The following ICE2 variants were observed in gnomAD, a reference collection of about 807,000 sequenced individuals.
ICE2 encodes little elongation complex subunit 2.
A neutral mutation model predicts 105.4 loss-of-function variants in ICE2; 87 were observed. The observed-to-expected ratio is 0.83, with a 90% CI of 0.69 to 0.99. ICE2 has a LOEUF of 0.99. Ranked by LOEUF, ICE2 falls within the 50% of genes least tolerant of loss-of-function variation. ICE2 has a pLI of 0.00. For missense variants in ICE2, 1,323 were observed against 1,146.7 expected (o/e 1.15, Z -2.22); for synonymous variants, 399 against 392.0 (o/e 1.02, Z -0.21).
Position 60,476,129 on chromosome 15 carries a change from G to C in ICE2, c.80C>G (p.Ser27Cys), listed in dbSNP as rs1254436305. 6.2e-7 allele frequency: 1 copy of C among 1,606,572 alleles called. No homozygotes were observed. Among genetic ancestry groups the C allele is most frequent in the Non-Finnish European group, 8.5e-7 (1 of 1,177,562 alleles). ...SPKNGLKTFF[S>C]RENYKDHSMA... Reference sequence around the variant, plus strand: ...GGAATGATCTTTATAATTTTCTCGAGAGAAAAATGTCTTAAGGCCATTTTT... The same window carrying C: ...GGAATGATCTTTATAATTTTCTCGACAGAAAAATGTCTTAAGGCCATTTTT... Residue 27 changes from serine to cysteine, a missense_variant, in exon 3 of 16, where the codon TCT becomes TGT. Coordinates refer to ENST00000261520, the MANE Select transcript of ICE2 (RefSeq NM_024611.6).
chr15:60,447,900 A>G (rs371008968), intron 11 of ICE2, 70 bp downstream of exon 11: 14 of 1,261,512 alleles, frequency 1.1e-5, no homozygotes, highest in African/African-American at 1.1e-4. Context: ...TAAACTTCAC[A>G]GTAATGGCAT....
At chr15:60,436,286 A>C (rs2063585414) in intron 12 of ICE2, 59 bp from the exon 13 acceptor site, 1 of 632,262 alleles carries the variant, frequency 1.6e-6, no homozygotes, top group East Asian at 3.1e-5. Context: ...GAAAAAAAAA[A>C]AACCAAGTTA....
chr15:60,476,262 CCT>C (rs2064758977), intron 2 of ICE2, 95 bp from the exon 3 acceptor site: 2 of 708,528 alleles, frequency 2.8e-6, no homozygotes, highest in Admixed American at 5.8e-5. Context: ...CAATTTCATA[CCT>C]TCTTACCCCC....
chr15:60,448,597 T>C (rs2063879239), intron 10 of ICE2, among the ~76,000 whole-genome samples: 1 of 152,148 alleles, frequency 6.6e-6, no homozygotes, highest in African/African-American at 2.4e-5. Context: ...ACAAATCACA[T>C]TACCTATAGC....
rs773295355 is a variant in ICE2, at chr15:60,468,058, T to C, written c.408+3A>G. ...TCCTGAAACTGAAGAACACAATACA[T>C]ACCAAGTACTGCAAGTAGTCATTTT... On this transcript the variant is annotated splice_donor_region_variant and intron_variant, in intron 4 of 15. Coordinates refer to ENST00000261520, the MANE Select transcript of ICE2 (RefSeq NM_024611.6). 1 of 1,606,826 alleles carries C rather than the reference T, an allele frequency of 6.2e-7. No individual in the cohort carries two copies. Among genetic ancestry groups the C allele is most frequent in the Non-Finnish European group, 8.5e-7 (1 of 1,176,124 alleles).
At chr15:60,466,865 G>T in intron 4 of ICE2, 152 bp from the exon 5 acceptor site, 1 of 659,700 alleles carries the variant, frequency 1.5e-6, no homozygotes, top group Non-Finnish European at 2.5e-6. Flanking sequence ...AAATTATTAT[G>T]CAGTAATGAT....
At chr15:60,444,481 T>C (rs2141043515) in intron 11 of ICE2, among the ~76,000 whole-genome samples, 1 of 152,286 alleles carries the variant, frequency 6.6e-6, no homozygotes, top group African/African-American at 2.4e-5. Context: ...ACTATTTTTT[T>C]CCCTTGATAA....
chr15:60,430,557 G>C (rs1480466040), intron 14 of ICE2, among the ~76,000 whole-genome samples: 1 of 152,056 alleles, frequency 6.6e-6, no homozygotes, highest in Non-Finnish European at 1.5e-5. Flanking sequence ...TTTGTATATA[G>C]CATGAAGAAC....
intron 11 of ICE2, among the ~76,000 whole-genome samples, chr15:60,444,347 G>A (rs1219906801): frequency 2.0e-5 from 3 of 152,146 alleles, no homozygotes; most frequent in Admixed American, 6.5e-5. Context: ...ATTTCTGTAT[G>A]TATTCTACTG....
chr15:60,455,623 GT>G (rs35859869), intron 6 of ICE2, among the ~76,000 whole-genome samples, 181 bp from the exon 7 acceptor site: 72 of 144,614 alleles, frequency 5.0e-4, no homozygotes, highest in Non-Finnish European at 4.7e-4. Context: ...CTACCTGTGG[GT>G]TTTTTTTTTT....
chr15:60,463,400 T>C (rs7173884), intron 5 of ICE2, among the ~76,000 whole-genome samples: 151,273 of 152,310 alleles, frequency 0.99, 75,132 homozygotes, highest in Middle Eastern at 1. Context: ...CTACAACTCA[T>C]ACAACCTAAG....
chr15:60,432,592 T>A (rs2063486420), intron 13 of ICE2, among the ~76,000 whole-genome samples: 1 of 151,592 alleles, frequency 6.6e-6, no homozygotes, highest in Non-Finnish European at 1.5e-5. Context: ...TCAAATTATA[T>A]ACTTAAAAAA....
intron 9 of ICE2, chr15:60,451,671 A>T: frequency 1.1e-6 from 1 of 924,412 alleles, no homozygotes; most frequent in Non-Finnish European, 1.3e-6. Flanking sequence ...CTGAAAACTC[A>T]GGCTGTCATT....
At chr15:60,475,713 A>T (rs1343442224) in intron 3 of ICE2, among the ~76,000 whole-genome samples, 1 of 152,142 alleles carries the variant, frequency 6.6e-6, no homozygotes, top group Non-Finnish European at 1.5e-5. Flanking sequence ...TACACGTTAT[A>T]AACAGTATAC....
chr15:60,462,941 G>C (rs566463773), intron 5 of ICE2, among the ~76,000 whole-genome samples: 1 of 152,266 alleles, frequency 6.6e-6, no homozygotes, highest in Non-Finnish European at 1.5e-5. Context: ...ACTTATGAAG[G>C]TTCCACTAAA....
chr15:60,438,087 G>A (rs993026966), intron 12 of ICE2: 7 of 152,162 alleles, frequency 4.6e-5, no homozygotes, highest in African/African-American at 1.7e-4. Flanking sequence ...AACAGGTTGA[G>A]AGCTAACACC....
intron 12 of ICE2, among the ~76,000 whole-genome samples, chr15:60,437,261 T>A (rs1035520489): frequency 1.7e-4 from 25 of 150,878 alleles, no homozygotes; most frequent in African/African-American, 3.9e-4. Context: ...TCTCAAAAAA[T>A]ATATATATAT....
Position 60,436,143 on chromosome 15 carries a change from T to C in ICE2, c.2510A>G (p.Lys837Arg), listed in dbSNP as rs200459430. The change falls in exon 13 of 16, where the codon AAG becomes AGG. Residue 837 changes from lysine to arginine, a missense_variant and splice_region_variant. By Grantham distance (26) the Lys-to-Arg change is conservative. Transcript: ENST00000261520. Reference protein sequence around the residue: ...EELKEKLSALKISNLFNILQH... With the variant: ...EELKEKLSALRISNLFNILQH... ...CTCACCACAAAGTAAACTTTCTTACTTGAGTGCTGAAAGCTTTTCTTTTAA... is the reference window on the plus strand; with the variant it reads ...CTCACCACAAAGTAAACTTTCTTACCTGAGTGCTGAAAGCTTTTCTTTTAA... 2.4e-5 allele frequency: 33 copies of C among 1,362,512 alleles called. No individual in the cohort carries two copies. The highest frequency in any genetic ancestry group is 2.6e-5 in the Non-Finnish European group (26 of 1,002,536). The allele number at this position is 1,362,512 out of a possible 1,614,324, so 84.4% of individuals were successfully genotyped here.
At chr15:60,433,338 A>G (rs1034355139) in intron 13 of ICE2, among the ~76,000 whole-genome samples, 3 of 151,818 alleles carry the variant, frequency 2.0e-5, no homozygotes, top group Non-Finnish European at 4.4e-5. Context: ...CACCCGCCTC[A>G]GCTTCCCAAA....
Sources: gnomAD v4.1 joint callset for allele counts (sites outside exome capture counted in the v4.1 genomes callset) on GRCh38, gnomAD v4.1.1 for gene constraint, MANE v1.5 for transcripts, NCBI Gene and HGNC (gene_info 2026-07-23, HGNC 2026-07-21) for gene names.